Variants in STAG1 observed in about 807,000 individuals in gnomAD.
The protein encoded by STAG1 is cohesin subunit SA-1.
STAG1 carries 26 observed loss-of-function variants against 170.9 expected under a neutral mutation model. The observed-to-expected ratio is 0.15, with a 90% CI of 0.11 to 0.21. The LOEUF is 0.21. Ranked by LOEUF, STAG1 falls within the 10% of genes least tolerant of loss-of-function variation. The pLI is 1.00. For missense variants in STAG1, 964 were observed against 1,509.5 expected, an observed-to-expected ratio of 0.64 and a Z score of 5.99; for synonymous variants, 514 against 497.7, an observed-to-expected ratio of 1.03 and a Z score of -0.44.
intron 6 of STAG1, among the ~76,000 whole-genome samples, chr3:136,539,923 T>A (rs1935807596): frequency 6.6e-6 from 1 of 152,174 alleles, no homozygotes; most frequent in Admixed American, 6.5e-5. Flanking sequence ...TTTACCTTAC[T>A]TTGCTGTAAT....
chr3:136,459,944 G>T (rs2089227940), intron 13 of STAG1, among the ~76,000 whole-genome samples: 2 of 151,760 alleles, frequency 1.3e-5, no homozygotes, highest in Non-Finnish European at 2.9e-5. Context: ...AAGGTATCAA[G>T]GAACTAGAAG....
intron 25 of STAG1, among the ~76,000 whole-genome samples, chr3:136,366,424 T>G (rs960138152): frequency 5.3e-5 from 8 of 152,142 alleles, no homozygotes; most frequent in Admixed American, 3.3e-4. Context: ...ATGTCTTACT[T>G]AAACCTCTGG....
At chr3:136,371,584 T>A (rs1417502605) in intron 23 of STAG1, among the ~76,000 whole-genome samples, 6 of 152,222 alleles carry the variant, frequency 3.9e-5, no homozygotes, top group Non-Finnish European at 8.8e-5. Context: ...GGCTAGCCAG[T>A]TTTCCCAGCA....
rs759471909 is a variant in STAG1 at position 136,433,457 on chromosome 3, T to C, written c.1650+99A>G. 4.9e-6 allele frequency: 4 copies of C among 821,260 alleles called. No individual in the cohort carries two copies. In the African/African-American group the frequency reaches 7.0e-5, roughly 14 times the overall value. The allele number at this position is 821,260 out of a possible 1,614,324, so 50.9% of individuals were successfully genotyped here. A position where few individuals can be genotyped will look rare whatever the true frequency, so the allele number is the denominator to read the frequency against. ...TAGTCCATCATTTATAAAAACACCA[T>C]GTTTTTAGGGATACAAATATCAGTA... On this transcript the variant is annotated intron_variant, in intron 16 of 33. Transcript: ENST00000383202.
intron 6 of STAG1, among the ~76,000 whole-genome samples, chr3:136,538,449 C>T (rs1935748460): frequency 6.7e-6 from 1 of 148,678 alleles, no homozygotes; most frequent in Non-Finnish European, 1.5e-5. Context: ...GAGAGCATCT[C>T]ACTCTGTTGC....
chr3:136,379,757 T>C (rs1343958922), intron 22 of STAG1, among the ~76,000 whole-genome samples: 1 of 152,092 alleles, frequency 6.6e-6, no homozygotes, highest in Non-Finnish European at 1.5e-5. Context: ...TGTTAATTTA[T>C]TGTAGCTGGG....
intron 12 of STAG1, among the ~76,000 whole-genome samples, chr3:136,467,043 A>C (rs1247253553): frequency 6.6e-6 from 1 of 152,230 alleles, no homozygotes; most frequent in Non-Finnish European, 1.5e-5. Context: ...CAGCCACTGC[A>C]AAAACATGCC....
At chr3:136,380,430 C>G (rs555594884) in intron 22 of STAG1, among the ~76,000 whole-genome samples, 1 of 151,900 alleles carries the variant, frequency 6.6e-6, no homozygotes, top group South Asian at 2.1e-4. Flanking sequence ...TTAGTAGATA[C>G]GGGTTTTCAC....
At chr3:136,652,287 T>C (rs1358185628) in intron 1 of STAG1, among the ~76,000 whole-genome samples, 1 of 152,152 alleles carries the variant, frequency 6.6e-6, no homozygotes, top group Non-Finnish European at 1.5e-5. Context: ...GTAGAAAAAT[T>C]CTCAATATAA....
intron 1 of STAG1, among the ~76,000 whole-genome samples, chr3:136,655,195 G>A (rs1400474703): frequency 6.6e-6 from 1 of 152,160 alleles, no homozygotes; most frequent in African/African-American, 2.4e-5. Context: ...AGGGTAAAAA[G>A]TCAACCCACA....
chr3:136,370,831 G>A lies in STAG1; in HGVS notation c.2371-1549C>T, dbSNP rs562559956. On this transcript the variant is annotated intron_variant, in intron 23 of 33. Transcript: ENST00000383202. ...TGCCGCAATAAACATACGTGTGCGT[G>A]TGTCTTTATAGCAGCATGATTTATA... 6.6e-5 allele frequency among the ~76,000 whole-genome samples: 10 copies of A among 152,244 alleles called. No individual in the cohort carries two copies. The East Asian group carries it at 1.9e-3, about 29-fold the overall frequency.
chr3:136,400,924 AAAC>A (rs2087306209), intron 21 of STAG1, among the ~76,000 whole-genome samples: 1 of 152,230 alleles, frequency 6.6e-6, no homozygotes, highest in Admixed American at 6.5e-5. Flanking sequence ...TCTTAATAGA[AAAC>A]AACTGAATTT....
At chr3:136,378,024 A>G (rs534093539) in intron 22 of STAG1, among the ~76,000 whole-genome samples, 96 of 152,334 alleles carry the variant, frequency 6.3e-4, no homozygotes, top group African/African-American at 2.3e-3. Flanking sequence ...AATATGGTTT[A>G]TTTAGGTTGA....
intron 4 of STAG1, among the ~76,000 whole-genome samples, chr3:136,582,730 C>T (rs545465609): frequency 1.3e-5 from 2 of 152,244 alleles, no homozygotes; most frequent in African/African-American, 2.4e-5. Flanking sequence ...ACCCAGGAGA[C>T]GGAGGCTGCA....
In STAG1 at chr3:136,363,392, T is replaced by C; in HGVS notation, c.2761A>G (p.Lys921Glu). Residue 921 changes from lysine (K) to glutamate (E), a missense_variant, in exon 26 of 34, where the codon AAG becomes GAG. By Grantham distance (56) the Lys-to-Glu change is moderately conservative (BLOSUM62 1). Transcript: ENST00000383202. The stretch of plus-strand genomic sequence containing the variant: ...TGTTGCAAACTGAGAATGAGAGTCT[T>C]GGCACACTGAATTTTATCAATCTGC... ...TRQIDKIQCA[K>E]TLILSLQQLF... is the part of the protein sequence containing the mutation. The C allele has an allele frequency of 6.2e-7, 1 of 1,604,742 alleles. No individual in the cohort carries two copies. Among genetic ancestry groups the C allele is most frequent in the Non-Finnish European group, 8.5e-7 (1 of 1,173,142 alleles).
At chr3:136,389,798 G>C (rs1423521266) in intron 22 of STAG1, among the ~76,000 whole-genome samples, 1 of 151,306 alleles carries the variant, frequency 6.6e-6, no homozygotes, top group Non-Finnish European at 1.5e-5. Context: ...GGGATTACAG[G>C]TGTGAGCCAC....
intron 12 of STAG1, among the ~76,000 whole-genome samples, chr3:136,468,628 A>G (rs907299494): frequency 6.6e-6 from 1 of 152,246 alleles, no homozygotes; most frequent in African/African-American, 2.4e-5. Flanking sequence ...ATCAACAGAA[A>G]AAGAGGGAAT....
In STAG1 at chr3:136,465,430, A is replaced by G. The variant is rs781270906; in HGVS notation, c.1206-442T>C. 2.3e-4 allele frequency among the ~76,000 whole-genome samples: 35 copies of G among 151,692 alleles called. 1 individual carries two copies. The highest frequency in any genetic ancestry group is 4.0e-4 in the Non-Finnish European group (27 of 67,930). On this transcript the variant is annotated intron_variant, in intron 12 of 33. Coordinates refer to ENST00000383202, the MANE Select transcript of STAG1 (RefSeq NM_005862.3). ...GAAACGGGGTTTCGTCATGTTAGGC[A>G]GACTGTTCTCTAACTCCTGATCTCA...
At chr3:136,694,138 T>C (rs942901954) in intron 1 of STAG1, among the ~76,000 whole-genome samples, 2 of 152,226 alleles carry the variant, frequency 1.3e-5, no homozygotes, top group African/African-American at 4.8e-5. Flanking sequence ...TTGAATTTTA[T>C]TCCAATCAAT....
Sources: gnomAD v4.1 joint callset for allele counts (sites outside exome capture counted in the v4.1 genomes callset) on GRCh38, gnomAD v4.1.1 for gene constraint, MANE v1.5 for transcripts, NCBI Gene and HGNC (gene_info 2026-07-23, HGNC 2026-07-21) for gene names.